Variants in NRXN1 observed in about 807,000 individuals in gnomAD.
The protein encoded by NRXN1 is neurexin 1.
NRXN1 carries 39 observed loss-of-function variants against 150.9 expected under a neutral mutation model. That is an observed-to-expected ratio of 0.26 (90% confidence interval 0.20 to 0.34). The LOEUF (loss-of-function observed/expected upper bound fraction) is 0.34. Ranked by LOEUF, NRXN1 falls within the 10% of genes least tolerant of loss-of-function variation. The pLI, the probability that NRXN1 is intolerant of heterozygous loss-of-function variation, is 1.00. For missense variants in NRXN1, 1,815 were observed against 1,949.9 expected (o/e 0.93, Z 1.30); for synonymous variants, 924 against 757.0 (o/e 1.22, Z -3.62).
chr2:50,857,618 C>G (rs1407528629), intron 5 of NRXN1, among the ~76,000 whole-genome samples: 1 of 152,062 alleles, frequency 6.6e-6, no homozygotes, highest in African/African-American at 2.4e-5. Flanking sequence ...ATTAATTTCT[C>G]TAGAGAGTGC....
In NRXN1 at chr2:50,984,171, G is replaced by C. The variant is rs1469903209; in HGVS notation, c.772+43331C>G. On this transcript the variant is annotated intron_variant, in intron 2 of 22. Coordinates refer to ENST00000401669, the MANE Select transcript of NRXN1 (RefSeq NM_001330078.2). ...TTTTTTTTTTTTTTTTTTTAGTAGA[G>C]ATGGGGTTTCACCATGTTGGCTAGG... is the stretch of plus-strand genomic sequence containing the variant. Among the ~76,000 whole-genome samples the C allele has an allele frequency of 7.5e-4, 90 of 119,950 alleles. 1 individual carries two copies. In the Middle Eastern group the frequency reaches 0.012, roughly 16 times the overall value. The allele number at this position is 119,950 out of a possible 152,430, so 78.7% of individuals were successfully genotyped here. A position where few individuals can be genotyped will look rare whatever the true frequency, so the allele number is the denominator to read the frequency against.
chr2:50,583,512 C>T (rs779081169), intron 8 of NRXN1, among the ~76,000 whole-genome samples: 7 of 152,152 alleles, frequency 4.6e-5, no homozygotes, highest in Non-Finnish European at 1.0e-4. Context: ...CCAGTTTCCA[C>T]AAGGAATGTT....
At chr2:50,871,627 C>T (rs754233936) in intron 5 of NRXN1, among the ~76,000 whole-genome samples, 19 of 151,766 alleles carry the variant, frequency 1.3e-4, no homozygotes, top group Non-Finnish European at 2.5e-4. Context: ...TTTCTAATTT[C>T]AAATGTATTT....
intron 18 of NRXN1, among the ~76,000 whole-genome samples, chr2:50,107,520 C>CATATATATATATAT (rs150310372): frequency 2.9e-5 from 4 of 136,068 alleles, no homozygotes; most frequent in African/African-American, 1.1e-4. Flanking sequence ...TTCCAGACTA[C>CATATATATATATAT]ATATATATAT....
chr2:50,844,639 T>C (rs553600634), intron 5 of NRXN1, among the ~76,000 whole-genome samples: 15 of 152,312 alleles, frequency 9.8e-5, no homozygotes, highest in African/African-American at 3.1e-4. Context: ...GTATACATCA[T>C]ATTATGATAA....
At chr2:50,065,810 G>A (rs1013589890) in intron 19 of NRXN1, among the ~76,000 whole-genome samples, 2 of 152,094 alleles carry the variant, frequency 1.3e-5, no homozygotes, top group Admixed American at 6.6e-5. Flanking sequence ...CTTTTTGGAC[G>A]TTGAACCTCT....
chr2:50,158,936 T>C (rs1053096045), intron 18 of NRXN1, among the ~76,000 whole-genome samples: 3 of 152,040 alleles, frequency 2.0e-5, no homozygotes, highest in Admixed American at 6.6e-5. Flanking sequence ...ACGCGTAAGA[T>C]AGGGACATCC....
intron 18 of NRXN1, among the ~76,000 whole-genome samples, chr2:50,135,378 T>A (rs1456958344): frequency 6.6e-6 from 1 of 152,166 alleles, no homozygotes; most frequent in African/African-American, 2.4e-5. Context: ...AATTATTAAG[T>A]CTTTTCTTAC....
chr2:49,925,856 G>T (rs1669018956), intron 22 of NRXN1, among the ~76,000 whole-genome samples: 1 of 152,134 alleles, frequency 6.6e-6, no homozygotes, highest in Admixed American at 6.5e-5. Context: ...AAGTAAAAGA[G>T]AATAAGGGAG....
Position 50,496,172 on chromosome 2 carries a change from G to C in NRXN1, c.2880-77C>G, listed in dbSNP as rs1005756841. On this transcript the variant is annotated intron_variant, in intron 14 of 22. Coordinates refer to ENST00000401669, the MANE Select transcript of NRXN1 (RefSeq NM_001330078.2). ...GAACCTAAAGTAGATATTACAAATG[G>C]AGATTTTTTTTCAGGTGGTTCCATC... 20 of 1,181,570 alleles carry C rather than the reference G, an allele frequency of 1.7e-5. No homozygotes were observed. The African/African-American group carries it at 2.8e-4, about 16-fold the overall frequency. 73.2% of individuals were successfully genotyped at this position (1,181,570 alleles called of 1,614,324 possible).
intron 22 of NRXN1, among the ~76,000 whole-genome samples, chr2:49,940,213 T>C (rs931192088): frequency 1.3e-5 from 2 of 152,144 alleles, no homozygotes; most frequent in Non-Finnish European, 2.9e-5. Context: ...TGCATCTCCT[T>C]ACAAAGATTT....
chr2:50,479,042 A>T (rs1183534105), intron 15 of NRXN1, among the ~76,000 whole-genome samples: 1 of 152,144 alleles, frequency 6.6e-6, no homozygotes, highest in Non-Finnish European at 1.5e-5. Flanking sequence ...CTGTGTTCTG[A>T]TATCTTCAAT....
intron 5 of NRXN1, among the ~76,000 whole-genome samples, chr2:50,751,631 G>A (rs893249901): frequency 3.3e-5 from 5 of 152,042 alleles, no homozygotes; most frequent in Admixed American, 6.6e-5. Context: ...CTCCTGGGGC[G>A]TGCAAGACTG....
intron 18 of NRXN1, among the ~76,000 whole-genome samples, chr2:50,108,800 G>A (rs566593676): frequency 3.5e-4 from 54 of 152,162 alleles, no homozygotes; most frequent in Admixed American, 5.9e-4. Context: ...AGGTCTTAGC[G>A]TTGGTTTAAA....
chr2:50,688,243 T>C (rs1367563564), intron 5 of NRXN1, among the ~76,000 whole-genome samples: 2 of 152,176 alleles, frequency 1.3e-5, no homozygotes. Flanking sequence ...GGATAGTCTA[T>C]GGGGTCCCCA....
chr2:50,506,569 T>G lies in NRXN1; in HGVS notation c.2423A>C (p.Glu808Ala). ...CCGAACTACACGCACTGTGTGCCACTCGTTATCATTGAGGTTATAGCCAGC... is the reference window on the plus strand; with the variant it reads ...CCGAACTACACGCACTGTGTGCCACGCGTTATCATTGAGGTTATAGCCAGC... ...LFAGYNLNDN[E>A]WHTVRVVRRG... Residue 808 changes from glutamate (E) to alanine (A), a missense_variant, in exon 13 of 23, where the codon GAG becomes GCG. By Grantham distance (107) the Glu-to-Ala change is moderately radical. Around this residue, in one of 6 missense-constraint regions of NRXN1, gnomAD observed 638 missense variants for 652.6 expected, o/e 0.98. Transcript: ENST00000401669. 1 of 1,613,388 alleles carries G rather than the reference T, an allele frequency of 6.2e-7. No homozygotes were observed. The highest frequency in any genetic ancestry group is 8.5e-7 in the Non-Finnish European group (1 of 1,179,536).
At chr2:49,964,778 T>C (rs954805362) in intron 21 of NRXN1, among the ~76,000 whole-genome samples, 6 of 150,566 alleles carry the variant, frequency 4.0e-5, no homozygotes, top group Admixed American at 1.3e-4. Context: ...GAGGTGGAGG[T>C]TGCAGTGAAC....
intron 22 of NRXN1, among the ~76,000 whole-genome samples, chr2:49,939,158 T>A (rs1393380490): frequency 6.6e-6 from 1 of 152,216 alleles, no homozygotes; most frequent in Non-Finnish European, 1.5e-5. Flanking sequence ...ATACTTTTCA[T>A]ATATTAACTC....
chr2:50,367,473 C>G (rs2153015939), intron 17 of NRXN1, among the ~76,000 whole-genome samples: 1 of 152,080 alleles, frequency 6.6e-6, no homozygotes, highest in East Asian at 1.9e-4. Context: ...ATTTATTTAT[C>G]TAGCAAATAT....
Sources: gnomAD v4.1 joint callset for allele counts (sites outside exome capture counted in the v4.1 genomes callset) on GRCh38, gnomAD v4.1.1 for gene constraint, gnomAD v4.1.1 regional missense constraint, MANE v1.5 for transcripts, NCBI Gene and HGNC (gene_info 2026-07-23, HGNC 2026-07-21) for gene names.